The following CLIC6 variants were observed in gnomAD, a reference collection of about 807,000 sequenced individuals.
The protein encoded by CLIC6 is CLIC family member 6, also known as chloride intracellular channel protein 6.
A neutral mutation model predicts 49.2 loss-of-function variants in CLIC6; 39 were observed. The ratio of observed to expected loss-of-function variants is 0.79; its 90% confidence interval spans 0.61 to 1.04. The LOEUF is 1.04. Among genes scored for constraint, CLIC6 ranks in the 50% least tolerant of loss-of-function variants. The pLI is 0.00. For synonymous variants in CLIC6, 446 were observed against 433.4 expected (o/e 1.03, Z -0.36); for missense variants, 988 against 993.1 (o/e 0.99, Z 0.07).
intron 1 of CLIC6, among the ~76,000 whole-genome samples, chr21:34,700,538 C>T (rs1990170760): frequency 1.4e-5 from 2 of 140,480 alleles, no homozygotes; most frequent in Non-Finnish European, 3.1e-5. Context: ...GACTTCCTTA[C>T]CTCACTACCT....
At position 34,670,695 on chromosome 21, in the gene CLIC6, G is replaced by C. The variant is rs61731615; in HGVS notation, c.1307G>C (p.Arg436Pro). 2,920 of 1,586,550 alleles carry C rather than the reference G, an allele frequency of 1.8e-3. 46 individuals are homozygous for C. In the African/African-American group the frequency reaches 0.033, roughly 18 times the overall value. Residue 436 changes from arginine (R) to proline (P), a missense_variant, in exon 1 of 6, where the codon CGG (arginine) becomes CCG (proline). Physicochemically the swap from Arg to Pro is moderately radical, Grantham distance 103. Around this residue, in one of 3 missense-constraint regions of CLIC6, gnomAD observed 647 missense variants for 596.9 expected, o/e 1.08. Transcript: ENST00000349499. ...GAGGCCGCGCGCGTGAACGGCCGCC[G>C]GGAGGACGGAGAGGCGTCCGAGCCC... ...SGEAARVNGRREDGEASEPRA... is the reference protein window; with the variant it reads ...SGEAARVNGRPEDGEASEPRA...
At chr21:34,686,896 A>G (rs928022781) in intron 1 of CLIC6, among the ~76,000 whole-genome samples, 27 of 152,332 alleles carry the variant, frequency 1.8e-4, no homozygotes, top group Admixed American at 1.7e-3. Flanking sequence ...TTGGCCCCTC[A>G]GAGCAGCCCA....
intron 1 of CLIC6, among the ~76,000 whole-genome samples, chr21:34,683,459 GA>G (rs1438967570): frequency 6.6e-6 from 1 of 152,150 alleles, no homozygotes; most frequent in Non-Finnish European, 1.5e-5. Flanking sequence ...AATTTATAGA[GA>G]ATGAGGAGAT....
chr21:34,709,065 T>TCATGTTCC (rs1324792722), intron 4 of CLIC6, among the ~76,000 whole-genome samples: 3 of 152,232 alleles, frequency 2.0e-5, no homozygotes, highest in Non-Finnish European at 4.4e-5. Flanking sequence ...ACCATGGGAA[T>TCATGTTCC]CATGTTCAAT....
chr21:34,698,105 G>T (rs567543640), intron 1 of CLIC6, among the ~76,000 whole-genome samples: 1 of 152,234 alleles, frequency 6.6e-6, no homozygotes, highest in Non-Finnish European at 1.5e-5. Flanking sequence ...GGGTTTCATT[G>T]TCTCTGTAGG....
intron 5 of CLIC6, among the ~76,000 whole-genome samples, chr21:34,711,516 CAAATAAACAAACAAAT>C (rs2056056273): frequency 6.9e-6 from 1 of 145,626 alleles, no homozygotes; most frequent in Admixed American, 7.1e-5. Flanking sequence ...AAGACTCTGT[CAAATAAACAAACAAAT>C]AAATAAATAA....
At position 34,706,963 on chromosome 21, in the gene CLIC6, T is replaced by C. The variant is rs201966027; in HGVS notation, c.1375-317T>C. 2.5e-3 allele frequency among the ~76,000 whole-genome samples: 386 copies of C among 152,314 alleles called. 8 individuals carry two copies. Among genetic ancestry groups the C allele is most frequent in the Admixed American group, 2.0e-3 (31 of 15,302 alleles). On this transcript the variant is annotated intron_variant, in intron 1 of 5. Coordinates refer to ENST00000349499, the MANE Select transcript of CLIC6 (RefSeq NM_053277.3). ...ACATTGGTGATAAAGGGAGTTCCCA[T>C]TGCTGCTCCTTCCATCAGTGAGCTG...
chr21:34,694,386 C>T (rs1008985878), intron 1 of CLIC6, among the ~76,000 whole-genome samples: 3 of 151,878 alleles, frequency 2.0e-5, no homozygotes, highest in African/African-American at 2.4e-5. Flanking sequence ...AGCTCACTGC[C>T]GCCTTGACCT....
intron 1 of CLIC6, among the ~76,000 whole-genome samples, chr21:34,674,357 G>A (rs75792337): frequency 0.031 from 4,758 of 152,264 alleles, 252 homozygotes; most frequent in African/African-American, 0.11. Flanking sequence ...GTTTCAAAGT[G>A]CTGGGATTAT....
rs922638455 is a variant in CLIC6 at position 34,669,091 on chromosome 21, G to T, written c.-298G>T. On this transcript the variant is annotated 5_prime_UTR_variant, in exon 1 of 6. Coordinates refer to ENST00000349499, the MANE Select transcript of CLIC6 (RefSeq NM_053277.3). Reference sequence around the variant, plus strand: ...CACTGCACCTCCGCGGCCCGCGGGCGAGATTGGGGTCCCGGTGGGAAGCAG... The same window carrying T: ...CACTGCACCTCCGCGGCCCGCGGGCTAGATTGGGGTCCCGGTGGGAAGCAG... Among the ~76,000 whole-genome samples the T allele has an allele frequency of 6.6e-6, 1 of 152,244 alleles. No individual in the cohort carries two copies. Among genetic ancestry groups the T allele is most frequent in the African/African-American group, 2.4e-5 (1 of 41,466 alleles).
intron 2 of CLIC6, 23 bp downstream of exon 2, chr21:34,707,412 CTGAAA>C: frequency 7.7e-7 from 1 of 1,301,992 alleles, no homozygotes; most frequent in Non-Finnish European, 1.1e-6. Context: ...GTCTGCCTTA[CTGAAA>C]TAACTGTACC....
chr21:34,707,461 A>ACACACACACACC, intron 2 of CLIC6, 72 bp downstream of exon 2: 1 of 852,964 alleles, frequency 1.2e-6, no homozygotes, highest in Non-Finnish European at 1.9e-6. Flanking sequence ...ACACACACAC[A>ACACACACACACC]CACACACACC....
intron 1 of CLIC6, among the ~76,000 whole-genome samples, chr21:34,670,996 A>G (rs1989554696): frequency 6.6e-6 from 1 of 150,964 alleles, no homozygotes; most frequent in Non-Finnish European, 1.5e-5. Context: ...GGTGGGGGCG[A>G]CGGGGAGTGC....
At chr21:34,685,130 G>A (rs1236591080) in intron 1 of CLIC6, among the ~76,000 whole-genome samples, 1 of 152,166 alleles carries the variant, frequency 6.6e-6, no homozygotes, top group Non-Finnish European at 1.5e-5. Context: ...GGGTGGCAGG[G>A]TGGGGGGTGG....
intron 1 of CLIC6, among the ~76,000 whole-genome samples, chr21:34,675,260 A>G (rs1448715413): frequency 1.3e-5 from 2 of 151,632 alleles, no homozygotes; most frequent in Non-Finnish European, 2.9e-5. Flanking sequence ...TCCAAAAAAA[A>G]AAAAAAAAAA....
Position 34,717,641 on chromosome 21 carries a change from G to C in CLIC6, c.*1159G>C, listed in dbSNP as rs538289222. 1.5e-4 allele frequency: 23 copies of C among 152,268 alleles called. No homozygotes were observed. The highest frequency in any genetic ancestry group is 5.3e-4 in the African/African-American group (22 of 41,538). 9.4% of individuals were successfully genotyped at this position (152,268 alleles called of 1,614,324 possible). ...GGGCTGAGTGCTGGCCTTAACCCTA[G>C]GCGTGGAAGAGAAAATGTGAGGTTG... On this transcript the variant is annotated 3_prime_UTR_variant, in exon 6 of 6. Coordinates refer to ENST00000349499, the MANE Select transcript of CLIC6 (RefSeq NM_053277.3).
Position 34,669,727 on chromosome 21 carries a change from G to C in CLIC6, c.339G>C (p.Pro113=). Residue 113 remains proline, a synonymous_variant, in exon 1 of 6, where the codon CCG becomes CCC. Transcript: ENST00000349499. ...SGAQQVEGAS[P]GRGAQGEPRG... ...CGCAGCAGGTGGAGGGGGCGAGCCCGGGACGCGGCGCGCAGGGCGAGCCCC... is the reference window on the plus strand; with the variant it reads ...CGCAGCAGGTGGAGGGGGCGAGCCCCGGACGCGGCGCGCAGGGCGAGCCCC... 7.2e-7 allele frequency: 1 copy of C among 1,385,470 alleles called. No homozygotes were observed. The highest frequency in any genetic ancestry group is 9.3e-7 in the Non-Finnish European group (1 of 1,080,174). 85.8% of individuals were successfully genotyped at this position (1,385,470 alleles called of 1,614,324 possible).
chr21:34,701,861 G>A (rs539892089), intron 1 of CLIC6, among the ~76,000 whole-genome samples: 119 of 152,182 alleles, frequency 7.8e-4, no homozygotes, highest in Middle Eastern at 6.8e-3. Context: ...CAGACTGGGG[G>A]CTGGGCACAG....
At chr21:34,691,961 TA>T (rs1990003713) in intron 1 of CLIC6, among the ~76,000 whole-genome samples, 1 of 152,250 alleles carries the variant, frequency 6.6e-6, no homozygotes, top group African/African-American at 2.4e-5. Flanking sequence ...TTTAGGTTGC[TA>T]TTTTTTTCAG....
Sources: gnomAD v4.1 joint callset for allele counts (sites outside exome capture counted in the v4.1 genomes callset) on GRCh38, gnomAD v4.1.1 for gene constraint, gnomAD v4.1.1 regional missense constraint, MANE v1.5 for transcripts, NCBI Gene and HGNC (gene_info 2026-07-23, HGNC 2026-07-21) for gene names.